The following IGF2BP3 variants were observed in gnomAD, a reference collection of about 807,000 sequenced individuals.
IGF2BP3 encodes insulin-like growth factor 2 mRNA-binding protein 3.
A neutral mutation model predicts 73.8 loss-of-function variants in IGF2BP3; 9 were observed. That is an observed-to-expected ratio of 0.12 (90% CI 0.07 to 0.21). IGF2BP3 has a LOEUF of 0.21. Ranked by LOEUF, IGF2BP3 falls within the 10% of genes least tolerant of loss-of-function variation. The probability of loss-of-function intolerance (pLI) is 1.00; values close to 1 mark genes in which losing one functional copy is unlikely to be tolerated. For missense variants in IGF2BP3, 542 were observed against 714.0 expected (o/e 0.76, Z 2.75); for synonymous variants, 258 against 256.7 (o/e 1.01, Z -0.05).
intron 10 of IGF2BP3, 128 bp downstream of exon 10, chr7:23,341,936 A>G: frequency 9.3e-7 from 1 of 1,080,622 alleles, no homozygotes; most frequent in East Asian, 3.1e-5. Context: ...ACAAAGGGCC[A>G]AATAAGAAGG....
chr7:23,383,437 C>A (rs1200106355), intron 3 of IGF2BP3, among the ~76,000 whole-genome samples: 1 of 152,118 alleles, frequency 6.6e-6, no homozygotes, highest in African/African-American at 2.4e-5. Flanking sequence ...AAGAGGATAC[C>A]ACTTTACACC....
intron 2 of IGF2BP3, among the ~76,000 whole-genome samples, chr7:23,464,677 C>G (rs557839364): frequency 6.7e-6 from 1 of 148,770 alleles, no homozygotes; most frequent in African/African-American, 2.5e-5. Flanking sequence ...GAGAGAGACT[C>G]CATCTTAAAA....
chr7:23,322,997 G>A (rs1476753825), intron 10 of IGF2BP3, among the ~76,000 whole-genome samples: 1 of 152,114 alleles, frequency 6.6e-6, no homozygotes, highest in Non-Finnish European at 1.5e-5. Flanking sequence ...TCAAGACTAG[G>A]AAGAAACTGC....
chr7:23,443,482 A>G (rs1228076161), intron 2 of IGF2BP3, among the ~76,000 whole-genome samples: 1 of 151,792 alleles, frequency 6.6e-6, no homozygotes, highest in Non-Finnish European at 1.5e-5. Context: ...CCTGGCCAAC[A>G]TTGGGAAACC....
Position 23,312,368 on chromosome 7 carries a change from C to T in IGF2BP3, c.1734G>A (p.Arg578=). The change falls in exon 15 of 15, where the codon CGG becomes CGA. Residue 578 remains arginine (R), a synonymous_variant. Coordinates refer to ENST00000258729, the MANE Select transcript of IGF2BP3 (RefSeq NM_006547.3). The part of the protein sequence containing the change: ...ALQSGPPQSR[R]K ...TGGGCTGTTTCCTGAGCCTTTACTT[C>T]CGTCTTGACTGAGGTGGTCCACTTT... 6.2e-7 allele frequency: 1 copy of T among 1,610,552 alleles called. No homozygotes were observed. The highest frequency in any genetic ancestry group is 1.1e-5 in the South Asian group (1 of 90,974).
intron 3 of IGF2BP3, among the ~76,000 whole-genome samples, chr7:23,400,169 C>T (rs1786613303): frequency 6.6e-6 from 1 of 152,172 alleles, no homozygotes; most frequent in Non-Finnish European, 1.5e-5. Flanking sequence ...TGCATTAAAA[C>T]AATGTGAAAA....
intron 3 of IGF2BP3, among the ~76,000 whole-genome samples, chr7:23,378,401 GT>G (rs373876363): frequency 7.8e-6 from 1 of 128,062 alleles, no homozygotes; most frequent in Non-Finnish European, 1.5e-5. Flanking sequence ...TCTCTTCTTG[GT>G]TTTTTTTTGA....
chr7:23,408,994 G>C (rs1016607144), intron 3 of IGF2BP3, among the ~76,000 whole-genome samples: 3 of 152,176 alleles, frequency 2.0e-5, no homozygotes, highest in Admixed American at 6.5e-5. Flanking sequence ...ATGGCTTCAG[G>C]ATGAAACTGT....
chr7:23,368,318 G>GAA, intron 3 of IGF2BP3, among the ~76,000 whole-genome samples: 2 of 122,056 alleles, frequency 1.6e-5, no homozygotes, highest in African/African-American at 6.4e-5. Context: ...GAGAAAGAGA[G>GAA]AGAGAAAGAA....
chr7:23,366,805 A>G (rs556735638), intron 3 of IGF2BP3, among the ~76,000 whole-genome samples: 8 of 152,256 alleles, frequency 5.3e-5, no homozygotes, highest in African/African-American at 1.9e-4. Context: ...CCCAAATCTC[A>G]AAAGGATTTC....
intron 10 of IGF2BP3, among the ~76,000 whole-genome samples, chr7:23,319,999 C>T (rs1183387117): frequency 6.6e-6 from 1 of 152,110 alleles, no homozygotes; most frequent in Non-Finnish European, 1.5e-5. Flanking sequence ...CAACCTCCAC[C>T]TCCCGGATTC....
At chr7:23,358,332 G>A (rs139419912) in intron 5 of IGF2BP3, among the ~76,000 whole-genome samples, 25 of 152,308 alleles carry the variant, frequency 1.6e-4, no homozygotes, top group Admixed American at 1.6e-3. Flanking sequence ...AGAGAAAACT[G>A]AGAATTACCA....
intron 2 of IGF2BP3, among the ~76,000 whole-genome samples, chr7:23,457,416 G>A (rs1343925795): frequency 6.6e-6 from 1 of 150,382 alleles, no homozygotes; most frequent in East Asian, 2.0e-4. Context: ...AGTGAGCAGA[G>A]ATCGCGCCAC....
intron 2 of IGF2BP3, among the ~76,000 whole-genome samples, chr7:23,432,259 T>A (rs1562750538): frequency 6.6e-6 from 1 of 152,244 alleles, no homozygotes; most frequent in African/African-American, 2.4e-5. Flanking sequence ...AAAGACTGAA[T>A]GTTTTTCTAC....
intron 9 of IGF2BP3, 52 bp downstream of exon 9, chr7:23,343,666 T>C (rs374733549): frequency 2.0e-5 from 30 of 1,513,114 alleles, no homozygotes; most frequent in African/African-American, 1.5e-4. Flanking sequence ...GTTAAAAACA[T>C]TGTTTTAACT....
chr7:23,422,511 T>G (rs751445224), intron 2 of IGF2BP3, among the ~76,000 whole-genome samples: 1 of 152,168 alleles, frequency 6.6e-6, no homozygotes, highest in Non-Finnish European at 1.5e-5. Flanking sequence ...GCTATAATCA[T>G]GCCACTGTAC....
In IGF2BP3 at chr7:23,351,391, G is replaced by A. The variant is rs1287792118; in HGVS notation, c.597C>T (p.Arg199=). ...CAACAAATTGGGTGGGAACCAGCAG[G>A]CGCAGAGGCAAATCACATGGTTTCT... ...SKQKPCDLPL[R]LLVPTQFVGA... is the part of the protein sequence containing the mutation. The change falls in exon 6 of 15, where the codon CGC becomes CGT. Residue 199 remains arginine, a synonymous_variant. Transcript: ENST00000258729. The A allele has an allele frequency of 1.2e-6, 2 of 1,613,820 alleles. No individual in the cohort carries two copies. The highest frequency in any genetic ancestry group is 1.3e-5 in the African/African-American group (1 of 74,882).
intron 3 of IGF2BP3, among the ~76,000 whole-genome samples, chr7:23,379,892 TC>T (rs1288721848): frequency 1.3e-5 from 2 of 152,138 alleles, no homozygotes; most frequent in African/African-American, 4.8e-5. Flanking sequence ...ACGGGGCAAT[TC>T]CATGCATCTC....
intron 3 of IGF2BP3, among the ~76,000 whole-genome samples, chr7:23,375,511 A>G (rs1304106692): frequency 1.3e-5 from 2 of 152,076 alleles, no homozygotes; most frequent in African/African-American, 2.4e-5. Context: ...AGAAGCAAAC[A>G]CCAGTTTTAG....
Sources: gnomAD v4.1 joint callset for allele counts (sites outside exome capture counted in the v4.1 genomes callset) on GRCh38, gnomAD v4.1.1 for gene constraint, MANE v1.5 for transcripts, NCBI Gene and HGNC (gene_info 2026-07-23, HGNC 2026-07-21) for gene names.